ARMC3: variants seen among roughly 807,000 people sequenced by gnomAD.
ARMC3 encodes the protein armadillo repeat containing 3, also known as armadillo repeat-containing protein 3.
In ARMC3, 74 loss-of-function variants were observed where a neutral mutation model predicts 90.3. The ratio of observed to expected loss-of-function variants is 0.82; its 90% CI spans 0.68 to 0.99. The LOEUF is 0.99. ARMC3 is among the 50% of genes least tolerant of loss of function. The pLI, the probability that ARMC3 is intolerant of heterozygous loss-of-function variation, is 0.00. For missense variants in ARMC3, 958 were observed against 1,042.8 expected, an observed-to-expected ratio of 0.92 and a Z score of 1.12; for synonymous variants, 334 against 361.8, an observed-to-expected ratio of 0.92 and a Z score of 0.87.
chr10:22,968,783 C>G (rs1835555157), intron 8 of ARMC3, among the ~76,000 whole-genome samples: 1 of 152,072 alleles, frequency 6.6e-6, no homozygotes, highest in South Asian at 2.1e-4. Flanking sequence ...GCCACTGCAC[C>G]CTGCCATGTC....
At position 23,007,010 on chromosome 10, in the gene ARMC3, G is replaced by A. The variant is rs571404053; in HGVS notation, c.1829+29G>A. On this transcript the variant is annotated intron_variant, in intron 14 of 18. Transcript: ENST00000298032. ...AGTCTCTGCAGGGAGAGGGGATGAA[G>A]GGAAGCACATACTGCTTGTTGTTGT... The A allele has an allele frequency of 3.3e-6, 5 of 1,524,120 alleles. No individual in the cohort carries two copies. The South Asian group carries it at 3.7e-5, about 11-fold the overall frequency. The allele number at this position is 1,524,120 out of a possible 1,614,324, so 94.4% of individuals were successfully genotyped here.
intron 16 of ARMC3, among the ~76,000 whole-genome samples, chr10:23,009,263 G>A (rs1294674004): frequency 6.6e-6 from 1 of 152,308 alleles, no homozygotes; most frequent in South Asian, 2.1e-4. Context: ...CCAACTTGGT[G>A]TGAGGGTTTC....
At chr10:22,931,670 C>T (rs1833936685) in intron 1 of ARMC3, among the ~76,000 whole-genome samples, 1 of 152,188 alleles carries the variant, frequency 6.6e-6, no homozygotes, top group African/African-American at 2.4e-5. Context: ...TGGGCTTAGT[C>T]TCTTAAGCCC....
At chr10:22,934,747 G>A (rs893022370) in intron 2 of ARMC3, among the ~76,000 whole-genome samples, 2 of 152,162 alleles carry the variant, frequency 1.3e-5, no homozygotes, top group Non-Finnish European at 2.9e-5. Flanking sequence ...GTGAAGGAAG[G>A]TTAGATCAAT....
intron 18 of ARMC3, among the ~76,000 whole-genome samples, chr10:23,036,093 A>T (rs1311826067): frequency 8.5e-5 from 13 of 152,202 alleles, no homozygotes; most frequent in Admixed American, 8.5e-4. Flanking sequence ...AAACAATAGC[A>T]TCTATTCCAC....
intron 5 of ARMC3, 72 bp downstream of exon 5, chr10:22,959,210 A>C (rs568604184): frequency 7.7e-6 from 11 of 1,427,514 alleles, no homozygotes; most frequent in Middle Eastern, 1.8e-4. Context: ...TATATATTGA[A>C]AATCATTCAT....
At chr10:23,002,799 C>G (rs931699590) in intron 12 of ARMC3, among the ~76,000 whole-genome samples, 2 of 152,080 alleles carry the variant, frequency 1.3e-5, no homozygotes, top group African/African-American at 4.8e-5. Flanking sequence ...GTCTCGAACT[C>G]CTGACCTCAA....
intron 10 of ARMC3, among the ~76,000 whole-genome samples, chr10:22,997,802 C>G (rs572936200): frequency 4.6e-5 from 7 of 151,968 alleles, no homozygotes; most frequent in Non-Finnish European, 1.0e-4. Flanking sequence ...ATAGAATTTC[C>G]TGGTCTTACA....
intron 4 of ARMC3, among the ~76,000 whole-genome samples, chr10:22,956,247 T>C (rs1424428876): frequency 6.6e-6 from 1 of 152,262 alleles, no homozygotes. Flanking sequence ...TTTGCCTGCC[T>C]ATATGTATCT....
chr10:23,016,593 G>T (rs1838282728), intron 16 of ARMC3, among the ~76,000 whole-genome samples: 1 of 152,118 alleles, frequency 6.6e-6, no homozygotes, highest in South Asian at 2.1e-4. Flanking sequence ...ATTTCCAAGT[G>T]TTTATTTCCA....
At chr10:22,948,696 A>T (rs1398623913) in intron 3 of ARMC3, among the ~76,000 whole-genome samples, 6 of 152,092 alleles carry the variant, frequency 3.9e-5, no homozygotes, top group Admixed American at 1.3e-4. Flanking sequence ...ATTGCCTCAG[A>T]TTTTTGACTT....
intron 16 of ARMC3, among the ~76,000 whole-genome samples, chr10:23,016,863 C>G (rs879440379): frequency 3.9e-5 from 6 of 152,200 alleles, no homozygotes; most frequent in Non-Finnish European, 8.8e-5. Context: ...ACTCCTGCCT[C>G]TGTTTTGTAG....
At chr10:22,935,946 T>C (rs1834092657) in intron 2 of ARMC3, among the ~76,000 whole-genome samples, 1 of 152,196 alleles carries the variant, frequency 6.6e-6, no homozygotes, top group Admixed American at 6.5e-5. Context: ...AATTAGCACC[T>C]CATGATCTGG....
chr10:22,959,841 A>G, intron 6 of ARMC3: 1 of 533,218 alleles, frequency 1.9e-6, no homozygotes, highest in Non-Finnish European at 3.6e-6. Context: ...TTCAAATAAA[A>G]TGTACTTCTT....
intron 2 of ARMC3, among the ~76,000 whole-genome samples, chr10:22,934,428 T>C (rs533799748): frequency 1.3e-5 from 2 of 152,392 alleles, no homozygotes; most frequent in African/African-American, 4.8e-5. Context: ...ACAACTATAT[T>C]CTTCCTTTCC....
chr10:23,001,910 T>A lies in ARMC3; in HGVS notation c.1426-9T>A. On this transcript the variant is annotated splice_polypyrimidine_tract_variant and intron_variant, in intron 11 of 18. Coordinates refer to ENST00000298032, the MANE Select transcript of ARMC3 (RefSeq NM_173081.5). Reference sequence around the variant, plus strand: ...TCTTAATGTGTAACATTTTGGTTTCTGCTTTTAGTTAAGAAATTCTGGTGG... The same window carrying A: ...TCTTAATGTGTAACATTTTGGTTTCAGCTTTTAGTTAAGAAATTCTGGTGG... 1 of 1,612,522 alleles carries A rather than the reference T, an allele frequency of 6.2e-7. No individual in the cohort carries two copies. Among genetic ancestry groups the A allele is most frequent in the Non-Finnish European group, 8.5e-7 (1 of 1,179,368 alleles).
At chr10:22,996,846 CA>C (rs1836983632) in intron 10 of ARMC3, among the ~76,000 whole-genome samples, 1 of 151,906 alleles carries the variant, frequency 6.6e-6, no homozygotes, top group Admixed American at 6.6e-5. Context: ...TCACAATAAG[CA>C]AATTGAAGTG....
At chr10:23,006,193 T>C (rs1564389360) in intron 13 of ARMC3, among the ~76,000 whole-genome samples, 1 of 152,168 alleles carries the variant, frequency 6.6e-6, no homozygotes, top group Non-Finnish European at 1.5e-5. Context: ...GGAAGGCCGG[T>C]GCAGCTAGAG....
chr10:22,952,453 T>G (rs980759596), intron 3 of ARMC3, among the ~76,000 whole-genome samples: 2 of 152,164 alleles, frequency 1.3e-5, no homozygotes, highest in Non-Finnish European at 1.5e-5. Context: ...GACAATTTTA[T>G]TTCAAGACAT....
Sources: allele counts gnomAD v4.1 joint callset (sites outside exome capture counted in the v4.1 genomes callset), GRCh38; gene constraint gnomAD v4.1.1; transcripts MANE v1.5; gene names NCBI Gene and HGNC (gene_info 2026-07-23, HGNC 2026-07-21).